Variants in MACO1 observed in about 807,000 individuals in gnomAD.
The protein encoded by MACO1 is macoilin 1.
Under a neutral mutation model 78.7 loss-of-function variants are expected in MACO1, and 14 were observed. That is an observed-to-expected ratio of 0.18 (90% confidence interval 0.12 to 0.28). The LOEUF (loss-of-function observed/expected upper bound fraction) is 0.28, where lower values mean the gene tolerates loss of function less well. Ranked by LOEUF, MACO1 falls within the 10% of genes least tolerant of loss-of-function variation. The probability of loss-of-function intolerance (pLI) is 1.00; values close to 1 mark genes in which losing one functional copy is unlikely to be tolerated. For synonymous variants in MACO1, 288 were observed against 291.6 expected, an observed-to-expected ratio of 0.99 and a Z score of 0.12; for missense variants, 501 against 799.0, an observed-to-expected ratio of 0.63 and a Z score of 4.50.
At chr1:25,431,951 C>T (rs1039357538) in intron 1 of MACO1, among the ~76,000 whole-genome samples, 4 of 151,692 alleles carry the variant, frequency 2.6e-5, no homozygotes, top group South Asian at 4.2e-4. Flanking sequence ...AAGCAGTGTC[C>T]CTTTAAATAG....
In MACO1 at chr1:25,459,658, A is replaced by G. The variant is rs191905433; in HGVS notation, c.1154+766A>G. ...CCAGGCTAATTTTTTTGTATTTTTAATAGTGACAGGATTTCACCATGTTGC... is the reference window on the plus strand; with the variant it reads ...CCAGGCTAATTTTTTTGTATTTTTAGTAGTGACAGGATTTCACCATGTTGC... On this transcript the variant is annotated intron_variant, in intron 6 of 10. Transcript: ENST00000374343. 3.2e-3 allele frequency among the ~76,000 whole-genome samples: 479 copies of G among 151,836 alleles called. 1 individual carries two copies. Among genetic ancestry groups the G allele is most frequent in the African/African-American group, 0.011 (453 of 41,412 alleles).
intron 6 of MACO1, among the ~76,000 whole-genome samples, chr1:25,483,633 G>A (rs764600881): frequency 2.0e-5 from 3 of 152,140 alleles, no homozygotes; most frequent in East Asian, 3.9e-4. Flanking sequence ...TCTGGAGGTC[G>A]TCGCAGACCG....
chr1:25,461,446 C>T (rs2043171636), intron 6 of MACO1, among the ~76,000 whole-genome samples: 1 of 152,120 alleles, frequency 6.6e-6, no homozygotes, highest in South Asian at 2.1e-4. Flanking sequence ...CTTCTATTTA[C>T]TGTCTGAGTG....
intron 10 of MACO1, among the ~76,000 whole-genome samples, chr1:25,493,094 G>A (rs2043501264): frequency 6.6e-6 from 1 of 152,138 alleles, no homozygotes; most frequent in Admixed American, 6.6e-5. Context: ...AGAAGCTCTG[G>A]GGGAGACAAA....
chr1:25,446,976 C>T, intron 2 of MACO1, 73 bp downstream of exon 2: 1 of 1,508,244 alleles, frequency 6.6e-7, no homozygotes, highest in Non-Finnish European at 8.9e-7. Context: ...ATTAGCAATA[C>T]TCAGGTAACT....
intron 6 of MACO1, among the ~76,000 whole-genome samples, chr1:25,465,132 G>T (rs561216062): frequency 6.6e-6 from 1 of 152,210 alleles, no homozygotes; most frequent in Non-Finnish European, 1.5e-5. Context: ...TCTTTTCCTG[G>T]CCTAATAGCT....
At chr1:25,444,902 T>G (rs1483219093) in intron 1 of MACO1, among the ~76,000 whole-genome samples, 1 of 152,102 alleles carries the variant, frequency 6.6e-6, no homozygotes, top group Non-Finnish European at 1.5e-5. Flanking sequence ...AAATGTGCAT[T>G]GCTCTCCACT....
chr1:25,440,151 G>T (rs1470790185), intron 1 of MACO1, among the ~76,000 whole-genome samples: 1 of 151,212 alleles, frequency 6.6e-6, no homozygotes. Context: ...ACTTTGGGAG[G>T]TCAAGGTAGG....
In MACO1 at chr1:25,484,283, ACCTTTCAGGCCTTTGG is replaced by A; in HGVS notation, c.1313+12_1313+27del. 1 of 1,598,168 alleles carries A rather than the reference ACCTTTCAGGCCTTTGG, an allele frequency of 6.3e-7. No homozygotes were observed. The highest frequency in any genetic ancestry group is 8.5e-7 in the Non-Finnish European group (1 of 1,174,206). Reference sequence around the variant, plus strand: ...GAGCTGCTGCAGAACAAGTACGTGCACCTTTCAGGCCTTTGGCCGTAAGCCCGGCAGCTTCACTGCT... The same window carrying A: ...GAGCTGCTGCAGAACAAGTACGTGCACCGTAAGCCCGGCAGCTTCACTGCT... On this transcript the variant is annotated intron_variant, in intron 7 of 10. Transcript: ENST00000374343.
intron 9 of MACO1, among the ~76,000 whole-genome samples, chr1:25,490,206 A>C (rs2043472721): frequency 1.3e-5 from 2 of 152,248 alleles, no homozygotes; most frequent in South Asian, 4.1e-4. Context: ...GAAGGTATGA[A>C]TATTGCAACA....
At chr1:25,454,491 T>A (rs1263207843) in intron 4 of MACO1, 109 bp downstream of exon 4, 85 of 236,488 alleles carry the variant, frequency 3.6e-4, no homozygotes, top group Middle Eastern at 1.9e-3. Flanking sequence ...TATATATATT[T>A]TTTTTTTTTT....
intron 6 of MACO1, among the ~76,000 whole-genome samples, chr1:25,464,138 T>A (rs1341787594): frequency 2.0e-5 from 3 of 152,056 alleles, no homozygotes; most frequent in Non-Finnish European, 4.4e-5. Flanking sequence ...GCCCTAGAAA[T>A]CCTCTGTGCT....
intron 6 of MACO1, among the ~76,000 whole-genome samples, chr1:25,459,928 G>T (rs1446294890): frequency 2.6e-5 from 4 of 152,064 alleles, no homozygotes; most frequent in Non-Finnish European, 5.9e-5. Context: ...TTTTTTGTGT[G>T]TATGTAACTC....
At chr1:25,492,939 T>C (rs1408800009) in intron 10 of MACO1, among the ~76,000 whole-genome samples, 1 of 152,214 alleles carries the variant, frequency 6.6e-6, no homozygotes, top group Non-Finnish European at 1.5e-5. Flanking sequence ...TAGTCCCAGC[T>C]GCTCAGGAGG....
At chr1:25,475,664 C>T (rs1001184182) in intron 6 of MACO1, among the ~76,000 whole-genome samples, 1 of 151,826 alleles carries the variant, frequency 6.6e-6, no homozygotes, top group African/African-American at 2.4e-5. Context: ...TCAGTGAATG[C>T]GGAACAGAAT....
chr1:25,491,343 C>CA (rs1279429568), intron 9 of MACO1, 67 bp from the exon 10 acceptor site: 2 of 1,590,172 alleles, frequency 1.3e-6, no homozygotes, highest in African/African-American at 1.3e-5. Context: ...TTTGTGATTT[C>CA]AGGCTAATTT....
Position 25,485,131 on chromosome 1 carries a change from T to G in MACO1, c.1314-482T>G, listed in dbSNP as rs979210350. 6.6e-6 allele frequency among the ~76,000 whole-genome samples: 1 copy of G among 152,180 alleles called. No individual in the cohort carries two copies. The highest frequency in any genetic ancestry group is 1.5e-5 in the Non-Finnish European group (1 of 68,032). ...TTGGGGACACTGTGAGCAAACATCC[T>G]GAGCTGGAAAGGAAAAGCTGTAGTA... On this transcript the variant is annotated intron_variant, in intron 7 of 10. Coordinates refer to ENST00000374343, the MANE Select transcript of MACO1 (RefSeq NM_018202.6). This position sits in a 1 kb window ranked among gnomAD's most constrained non-coding sequence, Gnocchi z 4.3.
Position 25,498,252 on chromosome 1 carries a change from T to C in MACO1, c.1793-12T>C, listed in dbSNP as rs756517921. On this transcript the variant is annotated splice_polypyrimidine_tract_variant and intron_variant, in intron 10 of 10. Coordinates refer to ENST00000374343, the MANE Select transcript of MACO1 (RefSeq NM_018202.6). ...CTCCCTTTTCACTAATGGTGGGTCT[T>C]TGATCTTACAGGACAAATCCTTCAG... 2 of 1,614,098 alleles carry C rather than the reference T, an allele frequency of 1.2e-6. No homozygotes were observed. The highest frequency in any genetic ancestry group is 1.7e-6 in the Non-Finnish European group (2 of 1,179,976).
At chr1:25,470,835 C>G (rs1411837408) in intron 6 of MACO1, among the ~76,000 whole-genome samples, 1 of 151,988 alleles carries the variant, frequency 6.6e-6, no homozygotes, top group African/African-American at 2.4e-5. Flanking sequence ...TGAGACCAGC[C>G]TGGCCAACAT....
Sources: allele counts gnomAD v4.1 joint callset (sites outside exome capture counted in the v4.1 genomes callset), GRCh38; gene constraint gnomAD v4.1.1; non-coding constraint Gnocchi (gnomAD v3.1); transcripts MANE v1.5; gene names NCBI Gene and HGNC (gene_info 2026-07-23, HGNC 2026-07-21).